Variants in ABCA12 observed in about 807,000 individuals in gnomAD.
ABCA12 encodes the protein ATP binding cassette subfamily A member 12.
ABCA12 carries 156 observed loss-of-function variants against 293.5 expected under a neutral mutation model. The observed-to-expected ratio is 0.53, with a 90% CI of 0.47 to 0.61. ABCA12 has a LOEUF of 0.61. ABCA12 is among the 20% of genes least tolerant of loss of function. The pLI, the probability that ABCA12 is intolerant of heterozygous loss-of-function variation, is 0.00. For missense variants in ABCA12, 2,797 were observed against 3,090.2 expected, an observed-to-expected ratio of 0.91 and a Z score of 2.25; for synonymous variants, 1,063 against 1,108.0, an observed-to-expected ratio of 0.96 and a Z score of 0.81.
At chr2:215,036,858 T>C (rs1701005201) in intron 8 of ABCA12, 95 bp downstream of exon 8, 2 of 1,084,636 alleles carry the variant, frequency 1.8e-6, no homozygotes, top group Non-Finnish European at 2.8e-6. Context: ...AAGAATAATA[T>C]CATCTCTACA....
At chr2:215,128,121 G>A (rs1702966856) in intron 1 of ABCA12, among the ~76,000 whole-genome samples, 2 of 152,180 alleles carry the variant, frequency 1.3e-5, no homozygotes, top group African/African-American at 4.8e-5. Flanking sequence ...TATAAAGATA[G>A]GGCCTCAATC....
At chr2:215,003,286 G>T (rs1559140826) in intron 20 of ABCA12, among the ~76,000 whole-genome samples, 1 of 152,160 alleles carries the variant, frequency 6.6e-6, no homozygotes, top group South Asian at 2.1e-4. Flanking sequence ...TAGGTTGAAG[G>T]TGGGGACATG....
intron 9 of ABCA12, chr2:215,029,235 C>T (rs796498543): frequency 1.3e-5 from 2 of 152,110 alleles, no homozygotes; most frequent in South Asian, 2.1e-4. Context: ...TTTCGTACAT[C>T]ATACACTTGA....
intron 7 of ABCA12, among the ~76,000 whole-genome samples, chr2:215,041,515 GC>G (rs1158635808): frequency 6.8e-6 from 1 of 147,030 alleles, no homozygotes; most frequent in Non-Finnish European, 1.5e-5. Context: ...TCGTGCCACT[GC>G]ACTCCAGCCT....
At chr2:215,081,493 G>A (rs2372482) in intron 2 of ABCA12, among the ~76,000 whole-genome samples, 124,245 of 130,358 alleles carry the variant, frequency 0.95, 59,129 homozygotes, top group South Asian at 1. Flanking sequence ...AAAAAAAAAA[G>A]AAAAAGAAAA....
At chr2:214,971,962 A>T (rs1699395311) in intron 36 of ABCA12, among the ~76,000 whole-genome samples, 1 of 152,224 alleles carries the variant, frequency 6.6e-6, no homozygotes, top group African/African-American at 2.4e-5. Flanking sequence ...GTGAGTGTGG[A>T]GTGGTATTGC....
intron 2 of ABCA12, among the ~76,000 whole-genome samples, chr2:215,101,565 A>G (rs886888981): frequency 1.3e-5 from 2 of 152,202 alleles, no homozygotes; most frequent in African/African-American, 2.4e-5. Flanking sequence ...TGATAATAGC[A>G]TGTGATTTCT....
chr2:214,958,990 G>T, intron 40 of ABCA12, 34 bp downstream of exon 40: 1 of 1,599,666 alleles, frequency 6.3e-7, no homozygotes, highest in Non-Finnish European at 8.6e-7. Flanking sequence ...GCTATGTCAA[G>T]GAGAAAGTAG....
At chr2:215,120,581 T>G (rs540614700) in intron 1 of ABCA12, among the ~76,000 whole-genome samples, 1 of 152,244 alleles carries the variant, frequency 6.6e-6, no homozygotes, top group South Asian at 2.1e-4. Flanking sequence ...AAGCAGCATA[T>G]GTGTGAAGAT....
At chr2:215,122,881 T>C (rs1171825273) in intron 1 of ABCA12, among the ~76,000 whole-genome samples, 1 of 152,190 alleles carries the variant, frequency 6.6e-6, no homozygotes, top group Non-Finnish European at 1.5e-5. Flanking sequence ...GCTTCTAGTG[T>C]GCCCGTCACC....
At chr2:214,981,960 A>C (rs867545651) in intron 30 of ABCA12, among the ~76,000 whole-genome samples, 1 of 117,666 alleles carries the variant, frequency 8.5e-6, no homozygotes, top group African/African-American at 3.6e-5. Flanking sequence ...TATTATTATT[A>C]TTATTATTAT....
At chr2:215,031,944 A>G (rs1037794927) in intron 8 of ABCA12, 48 bp from the exon 9 acceptor site, 10 of 1,610,618 alleles carry the variant, frequency 6.2e-6, no homozygotes, top group Non-Finnish European at 8.5e-6. Flanking sequence ...TGTTTGCTTA[A>G]AGATTTTTTT....
chr2:215,001,410 C>G, intron 21 of ABCA12, 148 bp downstream of exon 21: 2 of 912,242 alleles, frequency 2.2e-6, no homozygotes, highest in Non-Finnish European at 3.5e-6. Flanking sequence ...AGTTGGTTGC[C>G]TACATGAAAG....
At chr2:215,101,973 A>T (rs2106117742) in intron 2 of ABCA12, among the ~76,000 whole-genome samples, 1 of 152,294 alleles carries the variant, frequency 6.6e-6, no homozygotes, top group African/African-American at 2.4e-5. Flanking sequence ...CAGCTGCAGG[A>T]ACACCTTCTA....
rs397987755 is a variant in ABCA12, at chr2:214,984,094, C to CTTTTTTTTTTTTTT, written c.4164-243_4164-230dup. ...ATGATGATGACAAAAACGATCAGGCCTTTTTTTTTTTTTTTTTTTTGAGAC... is the reference window on the plus strand; with the variant it reads ...ATGATGATGACAAAAACGATCAGGCCTTTTTTTTTTTTTTTTTTTTTTTTTTTTTTTTTTGAGAC... On this transcript the variant is annotated intron_variant, in intron 28 of 52. Transcript: ENST00000272895. Among the ~76,000 whole-genome samples the CTTTTTTTTTTTTTT allele has an allele frequency of 5.4e-5, 5 of 92,952 alleles. 1 individual carries two copies. The highest frequency in any genetic ancestry group is 3.7e-4 in the East Asian group (1 of 2,672). The allele number at this position is 92,952 out of a possible 152,430, so 61.0% of individuals were successfully genotyped here. A position where few individuals can be genotyped will look rare whatever the true frequency, so the allele number is the denominator to read the frequency against.
At chr2:215,036,652 C>T (rs16853202) in intron 8 of ABCA12, among the ~76,000 whole-genome samples, 5,103 of 152,022 alleles carry the variant, frequency 0.034, 188 homozygotes, top group African/African-American at 0.089. Context: ...AGGTAGAAAT[C>T]GATTTGTTGA....
chr2:215,007,940 A>G (rs1700290230), intron 18 of ABCA12, 94 bp from the exon 19 acceptor site: 1 of 1,507,514 alleles, frequency 6.6e-7, no homozygotes, highest in East Asian at 2.3e-5. Flanking sequence ...CGTAACTTCA[A>G]AAGACAGTTC....
chr2:215,136,236 GA>G (rs1448878158), intron 1 of ABCA12, among the ~76,000 whole-genome samples: 1 of 152,134 alleles, frequency 6.6e-6, no homozygotes, highest in East Asian at 1.9e-4. Flanking sequence ...GACTAGATGG[GA>G]ATAATGCAAG....
At chr2:215,134,517 T>C (rs376927676) in intron 1 of ABCA12, among the ~76,000 whole-genome samples, 11,324 of 103,638 alleles carry the variant, frequency 0.11, 2,073 homozygotes, top group African/African-American at 0.37. Context: ...TATGTATATG[T>C]GTATATATAC....
Sources: gnomAD v4.1 joint callset for allele counts (sites outside exome capture counted in the v4.1 genomes callset) on GRCh38, gnomAD v4.1.1 for gene constraint, MANE v1.5 for transcripts, NCBI Gene and HGNC (gene_info 2026-07-23, HGNC 2026-07-21) for gene names.